PRKG1: variants seen among roughly 807,000 people sequenced by gnomAD.
The protein encoded by PRKG1 is cGMP-dependent protein kinase 1.
Under a neutral mutation model 88.1 loss-of-function variants are expected in PRKG1, and 35 were observed. The ratio of observed to expected loss-of-function variants is 0.40; its 90% CI spans 0.30 to 0.53. The LOEUF is 0.53. PRKG1 is among the 20% of genes least tolerant of loss of function. The probability of loss-of-function intolerance (pLI) is 0.59; values close to 1 mark genes in which losing one functional copy is unlikely to be tolerated. For synonymous variants in PRKG1, 303 were observed against 292.5 expected, an observed-to-expected ratio of 1.04 and a Z score of -0.37; for missense variants, 540 against 839.8, an observed-to-expected ratio of 0.64 and a Z score of 4.41.
chr10:51,373,263 T>C (rs1448220123), intron 2 of PRKG1, among the ~76,000 whole-genome samples: 3 of 152,214 alleles, frequency 2.0e-5, no homozygotes, highest in Non-Finnish European at 4.4e-5. Flanking sequence ...AAAGTTATTA[T>C]TTCACAGTTT....
At chr10:51,958,492 G>T (rs1437764019) in intron 5 of PRKG1, among the ~76,000 whole-genome samples, 1 of 150,692 alleles carries the variant, frequency 6.6e-6, no homozygotes, top group African/African-American at 2.4e-5. Context: ...TTGGTCCTTT[G>T]TGGCCTATGA....
intron 5 of PRKG1, among the ~76,000 whole-genome samples, chr10:51,939,334 C>T (rs1163144043): frequency 6.6e-6 from 1 of 151,948 alleles, no homozygotes; most frequent in Non-Finnish European, 1.5e-5. Context: ...ATCCTTCTGC[C>T]TTGTTGTGAT....
intron 5 of PRKG1, among the ~76,000 whole-genome samples, chr10:52,014,689 C>G (rs11000464): frequency 0.26 from 38,950 of 152,098 alleles, 5,457 homozygotes; most frequent in Non-Finnish European, 0.33. Flanking sequence ...AACTAAGAGC[C>G]TGTAAAATAA....
At chr10:52,033,522 A>G (rs1274667282) in intron 5 of PRKG1, among the ~76,000 whole-genome samples, 2 of 152,136 alleles carry the variant, frequency 1.3e-5, no homozygotes, top group African/African-American at 4.8e-5. Context: ...CTTTTTAGCT[A>G]TTTAGCTATT....
intron 2 of PRKG1, among the ~76,000 whole-genome samples, chr10:51,463,697 T>A (rs1216932820): frequency 6.6e-6 from 1 of 152,214 alleles, no homozygotes; most frequent in African/African-American, 2.4e-5. Context: ...TGTAATCACT[T>A]CTAATTTTGC....
chr10:51,264,615 A>G (rs1022531489), intron 2 of PRKG1, among the ~76,000 whole-genome samples: 1 of 152,164 alleles, frequency 6.6e-6, no homozygotes, highest in African/African-American at 2.4e-5. Flanking sequence ...ATCTTTGGTA[A>G]GATTCCATAG....
intron 1 of PRKG1, among the ~76,000 whole-genome samples, chr10:51,103,478 T>C (rs929341837): frequency 2.0e-5 from 3 of 152,164 alleles, no homozygotes; most frequent in Non-Finnish European, 4.4e-5. Context: ...TTTCCCAACA[T>C]AGAATTCCGA....
At chr10:51,843,853 C>G (rs1166181803) in intron 4 of PRKG1, among the ~76,000 whole-genome samples, 1 of 152,142 alleles carries the variant, frequency 6.6e-6, no homozygotes, top group Non-Finnish European at 1.5e-5. Flanking sequence ...ATTTTAGTTT[C>G]TGCCTTTTTT....
At chr10:51,817,447 C>T (rs4935283) in intron 4 of PRKG1, among the ~76,000 whole-genome samples, 32,978 of 149,232 alleles carry the variant, frequency 0.22, 5,832 homozygotes, top group African/African-American at 0.49. Flanking sequence ...GAATATGCAG[C>T]GTTTGGTTTT....
intron 5 of PRKG1, among the ~76,000 whole-genome samples, chr10:52,030,385 A>G (rs1302562645): frequency 6.6e-6 from 1 of 152,216 alleles, no homozygotes; most frequent in Non-Finnish European, 1.5e-5. Flanking sequence ...GTATACCTTC[A>G]GCAAAGCACT....
chr10:52,033,399 T>C (rs1415671151), intron 5 of PRKG1, among the ~76,000 whole-genome samples: 2 of 152,188 alleles, frequency 1.3e-5, no homozygotes, highest in African/African-American at 4.8e-5. Context: ...AACCCTCAGA[T>C]CTGTGATTTC....
At chr10:51,753,733 G>A (rs1374567964) in intron 3 of PRKG1, among the ~76,000 whole-genome samples, 1 of 152,096 alleles carries the variant, frequency 6.6e-6, no homozygotes, top group Non-Finnish European at 1.5e-5. Flanking sequence ...TTTTTAGAAT[G>A]TGCTGGCATA....
intron 5 of PRKG1, among the ~76,000 whole-genome samples, chr10:51,985,319 T>A (rs1844125912): frequency 7.8e-6 from 1 of 128,764 alleles, no homozygotes. Context: ...TAGTGAAACT[T>A]TTTTCAGCTG....
intron 9 of PRKG1, among the ~76,000 whole-genome samples, chr10:52,221,742 G>C (rs923883943): frequency 5.9e-5 from 9 of 152,138 alleles, no homozygotes; most frequent in African/African-American, 1.9e-4. Flanking sequence ...ACAAGACTTA[G>C]AAATCAACTG....
At chr10:51,142,540 G>C (rs1845842888) in intron 1 of PRKG1, among the ~76,000 whole-genome samples, 1 of 151,998 alleles carries the variant, frequency 6.6e-6, no homozygotes, top group Non-Finnish European at 1.5e-5. Flanking sequence ...GAGAGAGAGA[G>C]AGACAGAGAT....
At chr10:51,344,013 A>G (rs180851711) in intron 2 of PRKG1, among the ~76,000 whole-genome samples, 6 of 152,318 alleles carry the variant, frequency 3.9e-5, no homozygotes, top group African/African-American at 1.4e-4. Context: ...TTACTTCTGA[A>G]CATTTCTATG....
At chr10:51,553,766 TATATA>T (rs1399315050) in intron 3 of PRKG1, among the ~76,000 whole-genome samples, 1 of 133,084 alleles carries the variant, frequency 7.5e-6, no homozygotes, top group African/African-American at 2.6e-5. Flanking sequence ...TAGATACGTG[TATATA>T]ATATATGTAT....
intron 1 of PRKG1, among the ~76,000 whole-genome samples, chr10:51,040,085 T>C (rs1409731958): frequency 6.6e-6 from 1 of 152,112 alleles, no homozygotes; most frequent in Non-Finnish European, 1.5e-5. Flanking sequence ...GTATAAAGTT[T>C]AGGATTGTTT....
chr10:51,499,810 C>T (rs1464863498), intron 3 of PRKG1, among the ~76,000 whole-genome samples: 1 of 152,008 alleles, frequency 6.6e-6, no homozygotes, highest in East Asian at 1.9e-4. Context: ...AACAATGAAA[C>T]ATTAGTTGGG....
Sources: gnomAD v4.1 joint callset for allele counts (sites outside exome capture counted in the v4.1 genomes callset) on GRCh38, gnomAD v4.1.1 for gene constraint, MANE v1.5 for transcripts, NCBI Gene and HGNC (gene_info 2026-07-23, HGNC 2026-07-21) for gene names.